The following IL1RAPL1 variants were observed in gnomAD, a reference collection of about 807,000 sequenced individuals.
IL1RAPL1 encodes the protein interleukin-1 receptor accessory protein-like 1.
IL1RAPL1 carries 3 observed loss-of-function variants against 48.4 expected under a neutral mutation model. The ratio of observed to expected loss-of-function variants is 0.06; its 90% CI spans 0.03 to 0.16. The LOEUF is 0.16. Ranked by LOEUF, IL1RAPL1 falls within the 10% of genes least tolerant of loss-of-function variation. The pLI is 1.00. For missense variants in IL1RAPL1, 349 were observed against 530.6 expected (o/e 0.66, Z 3.36); for synonymous variants, 185 against 187.7 (o/e 0.99, Z 0.12).
intron 2 of IL1RAPL1, among the ~76,000 whole-genome samples, chrX:29,171,555 T>A (rs1356384144): frequency 1.8e-5 from 2 of 111,869 alleles, no homozygotes; most frequent in Non-Finnish European, 3.8e-5. Context: ...GTGAGTATGA[T>A]TAAATGTAAA....
intron 6 of IL1RAPL1, among the ~76,000 whole-genome samples, chrX:29,826,765 T>C (rs2147185862): frequency 8.9e-6 from 1 of 112,327 alleles, no homozygotes; most frequent in Non-Finnish European, 1.9e-5. Flanking sequence ...ATATACTACA[T>C]TTTGTTTATT....
chrX:29,925,419 T>G (rs1005505759), intron 8 of IL1RAPL1, among the ~76,000 whole-genome samples: 2 of 19,017 alleles, frequency 1.1e-4, no homozygotes, highest in African/African-American at 3.2e-4. Flanking sequence ...ACTGTTTTTT[T>G]TTTTTTTTTT....
intron 2 of IL1RAPL1, among the ~76,000 whole-genome samples, chrX:29,063,240 TA>T (rs1272747388): frequency 9.0e-6 from 1 of 111,646 alleles, no homozygotes; most frequent in Admixed American, 9.6e-5. Flanking sequence ...ATATTTATTA[TA>T]AAAAATTCTA....
chrX:28,726,669 A>G (rs1418801587), intron 1 of IL1RAPL1, among the ~76,000 whole-genome samples: 1 of 112,266 alleles, frequency 8.9e-6, no homozygotes, highest in Non-Finnish European at 1.9e-5. Flanking sequence ...AATTCACTCT[A>G]CAGTTATTAA....
At chrX:28,613,851 A>G (rs1246210621) in intron 1 of IL1RAPL1, among the ~76,000 whole-genome samples, 1 of 112,261 alleles carries the variant, frequency 8.9e-6, no homozygotes, top group African/African-American at 3.2e-5. Context: ...CACCATGGAG[A>G]CAGATTAATT....
intron 1 of IL1RAPL1, among the ~76,000 whole-genome samples, chrX:28,775,043 G>T (rs1936348631): frequency 1.8e-5 from 2 of 111,892 alleles, no homozygotes. Flanking sequence ...ATAAATTCTT[G>T]TCTGAACTAC....
chrX:29,199,076 T>C (rs1057042856), intron 2 of IL1RAPL1, among the ~76,000 whole-genome samples: 2 of 112,073 alleles, frequency 1.8e-5, no homozygotes, highest in African/African-American at 6.5e-5. Flanking sequence ...AACTTTTACA[T>C]ATTTAGGATA....
At chrX:29,487,227 A>G (rs751641228) in intron 5 of IL1RAPL1, among the ~76,000 whole-genome samples, 1 of 112,075 alleles carries the variant, frequency 8.9e-6, no homozygotes, top group East Asian at 2.8e-4. Context: ...TCTTGCTTAC[A>G]TATAATAGAG....
At chrX:29,251,651 G>A (rs947162008) in intron 2 of IL1RAPL1, among the ~76,000 whole-genome samples, 16 of 110,769 alleles carry the variant, frequency 1.4e-4, no homozygotes, top group African/African-American at 5.3e-4. Flanking sequence ...ATGGACAAAA[G>A]GAAATTACAG....
chrX:29,534,900 C>T (rs1412760442), intron 5 of IL1RAPL1, among the ~76,000 whole-genome samples: 4 of 108,107 alleles, frequency 3.7e-5, no homozygotes, highest in Admixed American at 9.8e-5. Flanking sequence ...ACCCGGGAGG[C>T]GGAGCTTGCA....
Position 29,281,167 on chromosome X carries a change from T to A in IL1RAPL1, c.83-1771T>A, listed in dbSNP as rs1371382093. On this transcript the variant is annotated intron_variant, in intron 2 of 10. Coordinates refer to ENST00000378993, the MANE Select transcript of IL1RAPL1 (RefSeq NM_014271.4). ...TTCTCAGAGCTGTTAGATTGCCCTC[T>A]TATTAATTTGTAGTGACTTTAACCC... Among the ~76,000 whole-genome samples, 5 of 111,698 alleles carry A rather than the reference T, an allele frequency of 4.5e-5. No homozygotes were observed. In the East Asian group the frequency reaches 1.4e-3, roughly 31 times the overall value.
At chrX:28,894,806 A>G (rs1922866353) in intron 2 of IL1RAPL1, among the ~76,000 whole-genome samples, 1 of 111,302 alleles carries the variant, frequency 9.0e-6, no homozygotes, top group African/African-American at 3.3e-5. Context: ...TTCTGACCGC[A>G]CTAACCATGC....
chrX:28,968,224 G>T (rs1924968405), intron 2 of IL1RAPL1, among the ~76,000 whole-genome samples: 1 of 111,360 alleles, frequency 9.0e-6, no homozygotes, highest in Admixed American at 9.6e-5. Flanking sequence ...ACAACCCTTA[G>T]TCAAGAGCCA....
intron 5 of IL1RAPL1, among the ~76,000 whole-genome samples, chrX:29,459,908 G>T (rs1934782947): frequency 9.0e-6 from 1 of 110,768 alleles, no homozygotes; most frequent in Non-Finnish European, 1.9e-5. Flanking sequence ...CCAACATATT[G>T]CCCCCCACAG....
intron 2 of IL1RAPL1, among the ~76,000 whole-genome samples, chrX:29,234,083 G>A (rs1214911164): frequency 5.4e-5 from 6 of 112,049 alleles, no homozygotes; most frequent in Admixed American, 9.4e-5. Context: ...TAAATGCAGC[G>A]TGGCTGGCAC....
chrX:29,477,957 A>G (rs760060425), intron 5 of IL1RAPL1, among the ~76,000 whole-genome samples: 7 of 112,804 alleles, frequency 6.2e-5, no homozygotes, highest in Admixed American at 2.8e-4. Context: ...TAATTCACAG[A>G]AGAAATACAA....
intron 6 of IL1RAPL1, among the ~76,000 whole-genome samples, chrX:29,861,271 T>C (rs1001322479): frequency 1.8e-5 from 2 of 111,555 alleles, no homozygotes; most frequent in African/African-American, 6.5e-5. Context: ...GATATCAATA[T>C]TTGAATCATC....
intron 2 of IL1RAPL1, among the ~76,000 whole-genome samples, chrX:29,125,779 G>A (rs1308688743): frequency 9.1e-6 from 1 of 109,906 alleles, no homozygotes; most frequent in Admixed American, 9.8e-5. Context: ...GAATAGAAGG[G>A]GAGGCAGGGA....
Position 29,843,454 on chromosome X carries a change from G to A in IL1RAPL1, c.779-74010G>A, listed in dbSNP as rs774062680. On this transcript the variant is annotated intron_variant, in intron 6 of 10. Transcript: ENST00000378993. Reference sequence around the variant, plus strand: ...GAACTAAAAAGTCAGTATAAAAACAGATGGTTACATTTTGTGATTATTAGC... The same window carrying A: ...GAACTAAAAAGTCAGTATAAAAACAAATGGTTACATTTTGTGATTATTAGC... 8.0e-5 allele frequency among the ~76,000 whole-genome samples: 9 copies of A among 112,131 alleles called. No individual in the cohort carries two copies. The East Asian group carries it at 2.5e-3, about 31-fold the overall frequency.
Sources: allele counts gnomAD v4.1 joint callset (sites outside exome capture counted in the v4.1 genomes callset), GRCh38; gene constraint gnomAD v4.1.1; transcripts MANE v1.5; gene names NCBI Gene and HGNC (gene_info 2026-07-23, HGNC 2026-07-21).